Variants in IFT46 observed in about 807,000 individuals in gnomAD.
IFT46 encodes the protein intraflagellar transport 46, also known as intraflagellar transport protein 46 homolog.
In IFT46, 19 loss-of-function variants were observed where a neutral mutation model predicts 39.6. That is an observed-to-expected ratio of 0.48 (90% CI 0.33 to 0.70). The LOEUF is 0.70. IFT46 is among the 30% of genes least tolerant of loss of function. The pLI, the probability that IFT46 is intolerant of heterozygous loss-of-function variation, is 0.01. For synonymous variants in IFT46, 117 were observed against 134.8 expected (o/e 0.87, Z 0.91); for missense variants, 334 against 364.8 (o/e 0.92, Z 0.69).
At chr11:118,555,444 A>AT in intron 4 of IFT46, 122 bp from the exon 5 acceptor site, 1 of 691,146 alleles carries the variant, frequency 1.4e-6, no homozygotes, top group Non-Finnish European at 2.5e-6. Flanking sequence ...TGCCTCTCCA[A>AT]TATCTGCCTT....
intron 9 of IFT46, chr11:118,546,140 A>G: frequency 1.4e-6 from 1 of 718,546 alleles, no homozygotes; most frequent in South Asian, 1.5e-5. Flanking sequence ...CAGGACAAAG[A>G]CGCATAACAG....
In IFT46 at chr11:118,545,814, C is replaced by G. The variant is rs1565342750; in HGVS notation, c.712G>C (p.Glu238Gln). ...PTAEIDCSLA[E>Q]YIDMICAILD... The stretch of plus-strand genomic sequence containing the variant: ...TCACCACAGATCATGTCAATGTACT[C>G]TGCCAGGCTGCAATCAATCTCTGCC... The change falls in exon 10 of 12, where the codon GAG (glutamate) becomes CAG (glutamine). Residue 238 changes from glutamate (E) to glutamine (Q), a missense_variant. Coordinates refer to ENST00000264021, the MANE Select transcript of IFT46 (RefSeq NM_001168618.2). 3 of 1,614,210 alleles carry G rather than the reference C, an allele frequency of 1.9e-6. No homozygotes were observed. The highest frequency in any genetic ancestry group is 2.5e-6 in the Non-Finnish European group (3 of 1,180,038).
chr11:118,545,544 T>G (rs1555066873), intron 10 of IFT46, 50 bp from the exon 11 acceptor site: 2 of 1,457,376 alleles, frequency 1.4e-6, no homozygotes, highest in Admixed American at 1.7e-5. Context: ...ACTCCGGGAA[T>G]TAGAGGCCCT....
chr11:118,551,914 A>C, intron 8 of IFT46, 62 bp from the exon 9 acceptor site: 1 of 1,460,700 alleles, frequency 6.8e-7, no homozygotes, highest in Non-Finnish European at 9.6e-7. Flanking sequence ...CAACCTCTGG[A>C]TCAGCATATT....
At chr11:118,572,886 G>A in exon 1 of IFT46, 1 of 347,724 alleles carries the variant, frequency 2.9e-6, no homozygotes, top group Non-Finnish European at 5.3e-6. Context: ...GCGGACCTCG[G>A]AACTGATGCT....
chr11:118,555,215 T>C, intron 5 of IFT46, 33 bp downstream of exon 5: 1 of 1,580,840 alleles, frequency 6.3e-7, no homozygotes, highest in South Asian at 1.1e-5. Flanking sequence ...AAGGTAGGGA[T>C]AGTGGGGTAT....
At chr11:118,566,063 C>A (rs1241140732), upstream of IFT46, 1 of 152,214 alleles carries the variant, frequency 6.6e-6, no homozygotes, top group African/African-American at 2.4e-5. Context: ...GCGGCCAAGT[C>A]GCCTGTTTGT....
At chr11:118,568,781 G>A (rs1004857624), upstream of IFT46, among the ~76,000 whole-genome samples, 1 of 151,238 alleles carries the variant, frequency 6.6e-6, no homozygotes, top group African/African-American at 2.4e-5. Context: ...TTCTCCCACC[G>A]AGTAGCTGGG....
upstream of IFT46, among the ~76,000 whole-genome samples, chr11:118,567,906 A>G (rs567366698): frequency 2.6e-5 from 4 of 152,344 alleles, no homozygotes; most frequent in African/African-American, 9.6e-5. Flanking sequence ...AGGCTTAGAC[A>G]GTTAAAGTAA....
intron 9 of IFT46, among the ~76,000 whole-genome samples, chr11:118,549,412 A>G (rs1441611629): frequency 1.3e-5 from 2 of 151,830 alleles, no homozygotes; most frequent in Non-Finnish European, 1.5e-5. Flanking sequence ...ACATACATAT[A>G]TAAAATATTT....
intron 9 of IFT46, chr11:118,546,688 A>C (rs1474665245): frequency 6.6e-6 from 1 of 152,112 alleles, no homozygotes; most frequent in African/African-American, 2.5e-5. Flanking sequence ...GGAATTGGTC[A>C]TATGTTTTAT....
chr11:118,552,042 A>C (rs544529985), intron 8 of IFT46, among the ~76,000 whole-genome samples, 172 bp downstream of exon 8: 42 of 152,200 alleles, frequency 2.8e-4, no homozygotes, highest in Non-Finnish European at 5.7e-4. Flanking sequence ...AAGTAATACT[A>C]GAGAAATTAC....
upstream of IFT46, among the ~76,000 whole-genome samples, chr11:118,567,793 G>A (rs1555071772): frequency 6.6e-6 from 1 of 152,136 alleles, no homozygotes; most frequent in African/African-American, 2.4e-5. Context: ...TACTATGTAG[G>A]AGCACTTAGT....
intron 2 of IFT46, among the ~76,000 whole-genome samples, chr11:118,561,760 A>C (rs1411614015): frequency 6.6e-6 from 1 of 152,254 alleles, no homozygotes; most frequent in African/African-American, 2.4e-5. Flanking sequence ...GAACTGACCC[A>C]GGGCCTGGCA....
chr11:118,576,469 A>G (rs1168889128), upstream of IFT46, among the ~76,000 whole-genome samples: 8 of 150,470 alleles, frequency 5.3e-5, no homozygotes, highest in Admixed American at 5.3e-4. Flanking sequence ...TTGTAATCAT[A>G]TTTATTAATT....
chr11:118,554,857 G>A, intron 6 of IFT46, 133 bp downstream of exon 6: 1 of 719,456 alleles, frequency 1.4e-6, no homozygotes, highest in South Asian at 1.8e-5. Flanking sequence ...GGAGTTGAGA[G>A]CAAGGTTAAG....
Position 118,555,233 on chromosome 11 carries a change from G to T in IFT46, c.260+15C>A, listed in dbSNP as rs782652017. 12 of 1,605,044 alleles carry T rather than the reference G, an allele frequency of 7.5e-6. No homozygotes were observed. The highest frequency in any genetic ancestry group is 9.4e-6 in the Non-Finnish European group (11 of 1,171,842). On this transcript the variant is annotated intron_variant, in intron 5 of 11. Transcript: ENST00000264021. ...GTAGGGATAGTGGGGTATGGTGGGA[G>T]GTCCTAGTACTCACCTACTGATGTA...
intron 1 of IFT46, among the ~76,000 whole-genome samples, chr11:118,571,869 C>T (rs1938343280): frequency 6.6e-6 from 1 of 152,096 alleles, no homozygotes; most frequent in South Asian, 2.1e-4. Flanking sequence ...GGGCGGATCA[C>T]TTGGGGTCAG....
chr11:118,557,553 C>A, intron 3 of IFT46: 1 of 661,406 alleles, frequency 1.5e-6, no homozygotes, highest in Non-Finnish European at 2.6e-6. Flanking sequence ...TCAAAATCAA[C>A]CTTGTGCCCA....
Sources: allele counts gnomAD v4.1 joint callset (sites outside exome capture counted in the v4.1 genomes callset), GRCh38; gene constraint gnomAD v4.1.1; transcripts MANE v1.5; gene names NCBI Gene and HGNC (gene_info 2026-07-23, HGNC 2026-07-21).